CADM2: variants seen among roughly 807,000 people sequenced by gnomAD.
The protein encoded by CADM2 is cell adhesion molecule 2, also known as immunoglobulin superfamily member 4D.
Under a neutral mutation model 49.8 loss-of-function variants are expected in CADM2, and 12 were observed. The observed-to-expected ratio is 0.24, with a 90% CI of 0.15 to 0.39. The LOEUF is 0.39. Ranked by LOEUF, CADM2 falls within the 10% of genes least tolerant of loss-of-function variation. CADM2 has a pLI of 1.00. For synonymous variants in CADM2, 214 were observed against 175.4 expected, an observed-to-expected ratio of 1.22 and a Z score of -1.74; for missense variants, 378 against 492.3, an observed-to-expected ratio of 0.77 and a Z score of 2.20.
At chr3:85,070,549 T>A (rs1395022174) in intron 1 of CADM2, among the ~76,000 whole-genome samples, 1 of 151,150 alleles carries the variant, frequency 6.6e-6, no homozygotes, top group African/African-American at 2.4e-5. Context: ...TTTATTTCTA[T>A]GTGTGTAGAA....
chr3:85,246,698 T>C (rs1322064817), intron 1 of CADM2, among the ~76,000 whole-genome samples: 1 of 152,124 alleles, frequency 6.6e-6, no homozygotes, highest in Non-Finnish European at 1.5e-5. Flanking sequence ...AACACAGTTA[T>C]AGTGAAACAG....
At chr3:85,955,762 T>A (rs1278017103) in intron 7 of CADM2, among the ~76,000 whole-genome samples, 1 of 151,516 alleles carries the variant, frequency 6.6e-6, no homozygotes, top group Non-Finnish European at 1.5e-5. Flanking sequence ...TTGTGCAACA[T>A]ACAGGTAATC....
intron 1 of CADM2, among the ~76,000 whole-genome samples, chr3:85,013,370 A>G (rs954061534): frequency 2.0e-5 from 3 of 152,008 alleles, no homozygotes; most frequent in Admixed American, 6.6e-5. Context: ...CCTGAGATCT[A>G]TTTTGAGAAA....
intron 1 of CADM2, among the ~76,000 whole-genome samples, chr3:85,228,656 A>G (rs2042215376): frequency 6.6e-6 from 1 of 151,984 alleles, no homozygotes; most frequent in East Asian, 2.0e-4. Context: ...AAGCTGCTAC[A>G]GAACATCAAC....
intron 1 of CADM2, among the ~76,000 whole-genome samples, chr3:85,567,611 A>G (rs987699598): frequency 6.6e-6 from 1 of 151,092 alleles, no homozygotes; most frequent in East Asian, 2.0e-4. Context: ...ATGGTATATT[A>G]GAGCTCTCCA....
chr3:85,102,775 T>C (rs1277422846), intron 1 of CADM2, among the ~76,000 whole-genome samples: 7 of 152,140 alleles, frequency 4.6e-5, no homozygotes, highest in African/African-American at 9.6e-5. Context: ...AGATAAACTA[T>C]CGAGAACTTC....
At chr3:85,111,005 C>A (rs1041340852) in intron 1 of CADM2, among the ~76,000 whole-genome samples, 1 of 151,674 alleles carries the variant, frequency 6.6e-6, no homozygotes, top group Non-Finnish European at 1.5e-5. Context: ...TCCCATCTAC[C>A]TTTTTATGTA....
chr3:84,976,186 A>T (rs1244156807), intron 1 of CADM2, among the ~76,000 whole-genome samples: 1 of 151,844 alleles, frequency 6.6e-6, no homozygotes, highest in Non-Finnish European at 1.5e-5. Context: ...TGTGAACCAG[A>T]TAAAGAAATT....
chr3:85,116,418 T>C (rs1020895025), intron 1 of CADM2, among the ~76,000 whole-genome samples: 1 of 152,130 alleles, frequency 6.6e-6, no homozygotes, highest in Non-Finnish European at 1.5e-5. Context: ...TTTGTAGCAC[T>C]AGTTTAAAAA....
chr3:85,645,042 A>G (rs2064841622), intron 1 of CADM2, among the ~76,000 whole-genome samples: 1 of 152,136 alleles, frequency 6.6e-6, no homozygotes, highest in Admixed American at 6.6e-5. Flanking sequence ...TTGTTGAATA[A>G]CTATATCAAA....
chr3:85,836,950 A>G (rs747031284), intron 3 of CADM2, among the ~76,000 whole-genome samples: 2 of 151,632 alleles, frequency 1.3e-5, no homozygotes, highest in Admixed American at 1.3e-4. Flanking sequence ...GAGAAAGAAT[A>G]TGAACTTGCC....
At chr3:85,711,325 G>T (rs776944984) in intron 1 of CADM2, among the ~76,000 whole-genome samples, 3 of 151,978 alleles carry the variant, frequency 2.0e-5, no homozygotes, top group African/African-American at 4.8e-5. Context: ...AGAGAAAATC[G>T]CTTTTGTCCC....
intron 7 of CADM2, among the ~76,000 whole-genome samples, chr3:85,938,888 T>A (rs1721491598): frequency 6.6e-6 from 1 of 152,062 alleles, no homozygotes; most frequent in African/African-American, 2.4e-5. Flanking sequence ...TTTCTTTATA[T>A]CTTGTAGCTG....
At chr3:86,029,991 T>C (rs1300757889) in intron 8 of CADM2, among the ~76,000 whole-genome samples, 4 of 151,990 alleles carry the variant, frequency 2.6e-5, no homozygotes, top group Non-Finnish European at 1.5e-5. Flanking sequence ...ACAAACAATT[T>C]AATCTGAATG....
chr3:86,051,467 A>C (rs959223649), intron 8 of CADM2, among the ~76,000 whole-genome samples: 5 of 152,174 alleles, frequency 3.3e-5, no homozygotes, highest in Admixed American at 1.3e-4. Context: ...CTCGCCTATT[A>C]CCAAGTTCCA....
At chr3:85,036,997 G>GA (rs10566030) in intron 1 of CADM2, among the ~76,000 whole-genome samples, 2,320 of 77,940 alleles carry the variant, frequency 0.03, 16 homozygotes, top group Middle Eastern at 0.039. Context: ...ACTAAAAATA[G>GA]AAAAAAAAAA....
At chr3:85,713,546 C>G (rs1439554351) in intron 1 of CADM2, among the ~76,000 whole-genome samples, 1 of 152,156 alleles carries the variant, frequency 6.6e-6, no homozygotes, top group Non-Finnish European at 1.5e-5. Flanking sequence ...AAGGATGCCA[C>G]TTAGGCACTC....
Position 86,067,080 on chromosome 3 carries a change from A to G in CADM2, c.*297A>G, listed in dbSNP as rs1168710924. ...GTTAATCATCTCCTTGGATCATTAT[A>G]TTGAGTGGTTTTTATACATTAAAAA... On this transcript the variant is annotated 3_prime_UTR_variant, in exon 10 of 10. Transcript: ENST00000383699. 3.6e-6 allele frequency: 1 copy of G among 279,390 alleles called. No homozygotes were observed. Among genetic ancestry groups the G allele is most frequent in the African/African-American group, 2.2e-5 (1 of 45,292 alleles). 17.3% of individuals were successfully genotyped at this position (279,390 alleles called of 1,614,324 possible). A position where few individuals can be genotyped will look rare whatever the true frequency, so the allele number is the denominator to read the frequency against.
chr3:85,501,708 T>C (rs906707814), intron 1 of CADM2, among the ~76,000 whole-genome samples: 3 of 152,150 alleles, frequency 2.0e-5, no homozygotes, highest in African/African-American at 7.2e-5. Context: ...CATACATGTA[T>C]ATATACGCAC....
Sources: gnomAD v4.1 joint callset for allele counts (sites outside exome capture counted in the v4.1 genomes callset) on GRCh38, gnomAD v4.1.1 for gene constraint, MANE v1.5 for transcripts, NCBI Gene and HGNC (gene_info 2026-07-23, HGNC 2026-07-21) for gene names.